The following TRMT44 variants were observed in gnomAD, a reference collection of about 807,000 sequenced individuals.
TRMT44 encodes tRNA methyltransferase 44 homolog, also known as probable tRNA (uracil-O(2)-)-methyltransferase.
TRMT44 carries 78 observed loss-of-function variants against 77.3 expected under a neutral mutation model. That is an observed-to-expected ratio of 1.01 (90% CI 0.84 to 1.22). The LOEUF (loss-of-function observed/expected upper bound fraction) is 1.22, where lower values mean the gene tolerates loss of function less well. Among genes scored for constraint, TRMT44 ranks in the 50% most tolerant of loss-of-function variants. The pLI, the probability that TRMT44 is intolerant of heterozygous loss-of-function variation, is 0.00. For synonymous variants in TRMT44, 391 were observed against 383.3 expected (o/e 1.02, Z -0.23); for missense variants, 1,090 against 964.4 (o/e 1.13, Z -1.73).
the TRMT44 span, among the ~76,000 whole-genome samples, chr4:8,513,415 T>A: frequency 6.6e-6 from 1 of 152,142 alleles, no homozygotes; most frequent in Non-Finnish European, 1.5e-5. Context: ...CCCACTGGGA[T>A]CCTCCCACGA....
downstream of TRMT44, chr4:8,479,086 A>G (rs1008774040): frequency 6.6e-6 from 1 of 152,294 alleles, no homozygotes; most frequent in Non-Finnish European, 1.5e-5. Flanking sequence ...TCATCCTGCC[A>G]TCCGCTGCGG....
intron 9 of TRMT44, among the ~76,000 whole-genome samples, chr4:8,469,447 G>C (rs1726834044): frequency 6.6e-6 from 1 of 152,222 alleles, no homozygotes; most frequent in African/African-American, 2.4e-5. Context: ...GAGCCCCAGG[G>C]ACATCAGTGT....
chr4:8,500,860 C>G, the TRMT44 span, among the ~76,000 whole-genome samples: 1 of 152,300 alleles, frequency 6.6e-6, no homozygotes, highest in African/African-American at 2.4e-5. Context: ...GGAGGTTTCA[C>G]CATGTTGACC....
Position 8,471,112 on chromosome 4 carries a change from C to A in TRMT44, c.1956C>A (p.Asn652Lys). Residue 652 changes from asparagine to lysine, a missense_variant, in exon 10 of 11, where the codon AAC (asparagine) becomes AAA (lysine). By Grantham distance (94) the Asn-to-Lys change is moderately conservative. Transcript: ENST00000389737. Reference sequence around the variant, plus strand: ...GCCTATCTCTGGCAGAAGTAGCCAACGAGCTGGACACGGAGACCCTGCGGA... The same window carrying A: ...GCCTATCTCTGGCAGAAGTAGCCAAAGAGCTGGACACGGAGACCCTGCGGA... ...GESLSLAEVA[N>K]ELDTETLRRL... is the part of the protein sequence containing the mutation. 6.2e-7 allele frequency: 1 copy of A among 1,603,536 alleles called. No individual in the cohort carries two copies. Among genetic ancestry groups the A allele is most frequent in the African/African-American group, 1.3e-5 (1 of 74,174 alleles).
chr4:8,499,930 G>C, the TRMT44 span, among the ~76,000 whole-genome samples: 149 of 151,402 alleles, frequency 9.8e-4, 1 homozygote, highest in African/African-American at 3.6e-3. Flanking sequence ...AGCCAAAATA[G>C]AGAGAGAGCT....
chr4:8,449,949 C>CTTTTCTTTTCTTTTTTTTTCTTT, intron 3 of TRMT44, 61 bp downstream of exon 3: 3 of 238,684 alleles, frequency 1.3e-5, no homozygotes, highest in Non-Finnish European at 1.8e-5. Context: ...CTTTTCTTTT[C>CTTTTCTTTTCTTTTTTTTTCTTT]TTTTTTTTTT....
chr4:8,515,778 A>C, the TRMT44 span, among the ~76,000 whole-genome samples: 1 of 152,160 alleles, frequency 6.6e-6, no homozygotes, highest in Non-Finnish European at 1.5e-5. Context: ...CCTCCGCTCA[A>C]ACGTTCCCTC....
At chr4:8,475,653 C>T (rs1279878338) in intron 10 of TRMT44, 119 bp from the exon 11 acceptor site, 25 of 874,152 alleles carry the variant, frequency 2.9e-5, no homozygotes, top group East Asian at 1.3e-4. Flanking sequence ...GGCTGTGTTC[C>T]GGTTGTATCC....
intron 2 of TRMT44, among the ~76,000 whole-genome samples, chr4:8,485,012 T>G (rs1388087056): frequency 6.6e-6 from 1 of 152,138 alleles, no homozygotes; most frequent in Non-Finnish European, 1.5e-5. Context: ...GTGTGTCTTG[T>G]TGAGAAGATT....
At chr4:8,515,711 C>T in the TRMT44 span, among the ~76,000 whole-genome samples, 1 of 152,142 alleles carries the variant, frequency 6.6e-6, no homozygotes, top group African/African-American at 2.4e-5. Context: ...CAGGCTGGTC[C>T]CTCTGCCCAA....
chr4:8,484,929 G>A (rs1727757038), intron 2 of TRMT44, among the ~76,000 whole-genome samples: 1 of 152,194 alleles, frequency 6.6e-6, no homozygotes, highest in South Asian at 2.1e-4. Context: ...ATAGGTAACA[G>A]ATGGAGAAGA....
Position 8,471,070 on chromosome 4 carries a change from C to G in TRMT44, c.1928-14C>G, listed in dbSNP as rs961571096. ...CTGTTGTTTTGGGGAAAAAAAAAAC[C>G]CGTTTTTCCACAGAGAGCCTATCTC... On this transcript the variant is annotated splice_polypyrimidine_tract_variant and intron_variant, in intron 9 of 10. Coordinates refer to ENST00000389737, the MANE Select transcript of TRMT44 (RefSeq NM_152544.3). 1.3e-6 allele frequency: 2 copies of G among 1,564,604 alleles called. No individual in the cohort carries two copies. The highest frequency in any genetic ancestry group is 1.2e-5 in the South Asian group (1 of 84,022).
rs1174145828 is a variant in TRMT44, at chr4:8,471,978, C to G, written c.2044+778C>G. Reference sequence around the variant, plus strand: ...AGCCATGGTTTACCAGCGCCAGCGGCTGGGGAGTTTGCCATAACTTGCTTT... The same window carrying G: ...AGCCATGGTTTACCAGCGCCAGCGGGTGGGGAGTTTGCCATAACTTGCTTT... On this transcript the variant is annotated intron_variant, in intron 10 of 10. Coordinates refer to ENST00000389737, the MANE Select transcript of TRMT44 (RefSeq NM_152544.3). Among the ~76,000 whole-genome samples, 6 of 149,268 alleles carry G rather than the reference C, an allele frequency of 4.0e-5. No homozygotes were observed. In the East Asian group the frequency reaches 9.8e-4, roughly 24 times the overall value.
chr4:8,465,605 C>T, intron 8 of TRMT44, 44 bp downstream of exon 8: 2 of 1,543,788 alleles, frequency 1.3e-6, no homozygotes, highest in Non-Finnish European at 1.8e-6. Context: ...TGTCGGTGTT[C>T]AGATGGAGAG....
At chr4:8,506,852 C>G in the TRMT44 span, 40,132 of 152,470 alleles carry the variant, frequency 0.26, 5,995 homozygotes, top group Admixed American at 0.38. Context: ...GCTTGGTGAG[C>G]TGGGCTGGCT....
intron 8 of TRMT44, 89 bp from the exon 9 acceptor site, chr4:8,467,825 G>A: frequency 1.4e-6 from 2 of 1,381,612 alleles, no homozygotes; most frequent in Non-Finnish European, 2.0e-6. Context: ...GAAAACTTGT[G>A]ATTTGTACTC....
chr4:8,478,026 G>A, downstream of TRMT44: 1 of 153,258 alleles, frequency 6.5e-6, no homozygotes, highest in Non-Finnish European at 1.5e-5. Context: ...CCAGGCCCAG[G>A]ATGGCTCCAG....
intron 10 of TRMT44, among the ~76,000 whole-genome samples, chr4:8,472,087 T>C (rs1281842231): frequency 6.6e-6 from 1 of 151,994 alleles, no homozygotes; most frequent in Non-Finnish European, 1.5e-5. Context: ...CCCTAAGTAC[T>C]TCCACGTGCA....
chr4:8,502,839 T>A, the TRMT44 span, among the ~76,000 whole-genome samples: 1 of 152,188 alleles, frequency 6.6e-6, no homozygotes, highest in African/African-American at 2.4e-5. Flanking sequence ...GGGAGATTAA[T>A]CAAAGGTGTC....
Sources: allele counts gnomAD v4.1 joint callset (sites outside exome capture counted in the v4.1 genomes callset), GRCh38; gene constraint gnomAD v4.1.1; transcripts MANE v1.5; gene names NCBI Gene and HGNC (gene_info 2026-07-23, HGNC 2026-07-21).